Variants in COL13A1 observed in about 807,000 individuals in gnomAD.
The protein encoded by COL13A1 is collagen alpha-1(XIII) chain.
Under a neutral mutation model 130.9 loss-of-function variants are expected in COL13A1, and 89 were observed. That is an observed-to-expected ratio of 0.68 (90% CI 0.57 to 0.81). The LOEUF (loss-of-function observed/expected upper bound fraction) is 0.81. Ranked by LOEUF, COL13A1 falls within the 30% of genes least tolerant of loss-of-function variation. The pLI, the probability that COL13A1 is intolerant of heterozygous loss-of-function variation, is 0.00. For missense variants in COL13A1, 879 were observed against 934.6 expected (o/e 0.94, Z 0.78); for synonymous variants, 402 against 341.6 (o/e 1.18, Z -1.95).
chr10:69,866,912 G>T (rs972771837), intron 2 of COL13A1, among the ~76,000 whole-genome samples: 3 of 152,180 alleles, frequency 2.0e-5, no homozygotes, highest in Admixed American at 6.5e-5. Context: ...ACTAGGGGCC[G>T]GGCAGACACA....
intron 2 of COL13A1, among the ~76,000 whole-genome samples, chr10:69,864,183 C>T (rs918261038): frequency 2.0e-5 from 3 of 151,992 alleles, no homozygotes; most frequent in Non-Finnish European, 4.4e-5. Flanking sequence ...ACCTCTAAGC[C>T]TCAGGTTCCA....
At position 69,801,985 on chromosome 10, in the gene COL13A1, A is replaced by C; in HGVS notation, c.-439A>C. On this transcript the variant is annotated 5_prime_UTR_variant, in exon 1 of 41. Transcript: ENST00000645393. ...GCCCCTGCGCTCCTCGCCAGCCGCC[A>C]CGACCCACCTCTGCCCATGGGGCCC... is the stretch of plus-strand genomic sequence containing the variant. The C allele has an allele frequency of 6.2e-6, 1 of 160,388 alleles. No homozygotes were observed. Among genetic ancestry groups the C allele is most frequent in the Non-Finnish European group, 1.4e-5 (1 of 73,880 alleles). The allele number at this position is 160,388 out of a possible 1,614,324, so 9.9% of individuals were successfully genotyped here.
At chr10:69,822,624 A>C (rs1184404432) in intron 2 of COL13A1, among the ~76,000 whole-genome samples, 186 bp downstream of exon 2, 3 of 152,198 alleles carry the variant, frequency 2.0e-5, no homozygotes, top group South Asian at 2.1e-4. Flanking sequence ...CGCATCCATC[A>C]GTCCACCCAC....
chr10:69,865,942 C>T (rs1288418954), intron 2 of COL13A1, among the ~76,000 whole-genome samples: 4 of 152,198 alleles, frequency 2.6e-5, no homozygotes, highest in Non-Finnish European at 5.9e-5. Flanking sequence ...CCTTCCCATG[C>T]CTCAGTTTCT....
chr10:69,916,998 G>A (rs2064002649), intron 17 of COL13A1, among the ~76,000 whole-genome samples: 1 of 152,164 alleles, frequency 6.6e-6, no homozygotes, highest in Non-Finnish European at 1.5e-5. Context: ...CCACAGGGTG[G>A]TAGGTAGATC....
At chr10:69,855,266 G>T (rs1192688797) in intron 2 of COL13A1, among the ~76,000 whole-genome samples, 2 of 152,178 alleles carry the variant, frequency 1.3e-5, no homozygotes, top group South Asian at 2.1e-4. Flanking sequence ...ATGGAAGCAG[G>T]CCATGGGGCT....
intron 5 of COL13A1, 80 bp from the exon 6 acceptor site, chr10:69,877,959 G>A (rs1345344890): frequency 2.9e-6 from 2 of 691,496 alleles, no homozygotes; most frequent in East Asian, 2.7e-5. Context: ...ATTCTCGTGT[G>A]GGTGCCTCTT....
At chr10:69,943,160 C>T (rs947749040) in intron 35 of COL13A1, among the ~76,000 whole-genome samples, 2 of 152,160 alleles carry the variant, frequency 1.3e-5, no homozygotes, top group Non-Finnish European at 2.9e-5. Context: ...CTTTTTCTTT[C>T]TGCTGTGCTA....
At chr10:69,869,609 C>T (rs1351252812) in intron 3 of COL13A1, among the ~76,000 whole-genome samples, 6 of 152,200 alleles carry the variant, frequency 3.9e-5, no homozygotes, top group African/African-American at 7.2e-5. Flanking sequence ...GCAGCAGGAA[C>T]CATTTAGGTG....
At chr10:69,833,140 G>T (rs1231619680) in intron 2 of COL13A1, among the ~76,000 whole-genome samples, 1 of 152,178 alleles carries the variant, frequency 6.6e-6, no homozygotes, top group Non-Finnish European at 1.5e-5. Flanking sequence ...GCTCCCAGGG[G>T]CGTCATTCAC....
chr10:69,809,411 G>A (rs1564720790), intron 1 of COL13A1, among the ~76,000 whole-genome samples: 1 of 152,208 alleles, frequency 6.6e-6, no homozygotes, highest in East Asian at 1.9e-4. Flanking sequence ...ACTATTCAAA[G>A]ACCTTTACAT....
chr10:69,828,594 A>G (rs1276865270), intron 2 of COL13A1, among the ~76,000 whole-genome samples: 1 of 152,218 alleles, frequency 6.6e-6, no homozygotes, highest in Non-Finnish European at 1.5e-5. Flanking sequence ...CCACTTGCAC[A>G]CAACTCATGC....
rs370835054 is a variant in COL13A1, at chr10:69,913,647, G to C, written c.922-3642G>C. On this transcript the variant is annotated intron_variant, in intron 17 of 40. Transcript: ENST00000645393. ...GCACATGGGCCCCAGCCACAGCGAC[G>C]ACGCTGGAGTCCTTGATAATGACTC... 5.3e-5 allele frequency among the ~76,000 whole-genome samples: 8 copies of C among 152,136 alleles called. No individual in the cohort carries two copies. In the East Asian group the frequency reaches 1.4e-3, roughly 26 times the overall value.
chr10:69,930,147 G>C (rs1281191559), intron 29 of COL13A1, 60 bp downstream of exon 29: 2 of 1,557,418 alleles, frequency 1.3e-6, no homozygotes, highest in African/African-American at 2.7e-5. Context: ...GGGGGCAGGA[G>C]GTCGGGCAGG....
In COL13A1 at chr10:69,930,429, C is replaced by A. The variant is rs1162698451; in HGVS notation, c.1560C>A (p.Gly520=). The change falls in exon 30 of 41, where the codon GGC becomes GGA. Residue 520 remains glycine (G), a synonymous_variant. Transcript: ENST00000645393. ...CTCGCGGTAAACCAGGAGACATGGG[C>A]CCTCCTGGTCCCCAAGGCCCCCCAG... ...KGPRGKPGDM[G]PPGPQGPPGK... The A allele has an allele frequency of 6.2e-7, 1 of 1,612,290 alleles. No individual in the cohort carries two copies. The highest frequency in any genetic ancestry group is 8.5e-7 in the Non-Finnish European group (1 of 1,179,144).
rs746972278 is a variant in COL13A1 at position 69,921,889 on chromosome 10, A to T, written c.1097A>T (p.Lys366Met). ...LLGKRGQRGE[K>M]GAEGSPGLPG... ...GTCTGCATCTCCCTGCAGGGTGAGA[A>T]GGGGGCTGAAGGCTCCCCTGGGCTT... Residue 366 changes from lysine to methionine, a missense_variant, in exon 22 of 41, where the codon AAG becomes ATG. This residue lies in a region of COL13A1 where 715 missense variants were observed against 721.0 expected (regional missense o/e 0.99). Transcript: ENST00000645393. The T allele has an allele frequency of 6.2e-7, 1 of 1,606,472 alleles. No individual in the cohort carries two copies. The highest frequency in any genetic ancestry group is 8.5e-7 in the Non-Finnish European group (1 of 1,176,774).
intron 7 of COL13A1, among the ~76,000 whole-genome samples, chr10:69,883,996 A>C (rs1161529821): frequency 6.6e-6 from 1 of 152,204 alleles, no homozygotes; most frequent in African/African-American, 2.4e-5. Flanking sequence ...ATAAAAAATA[A>C]GGATTGAGGG....
At position 69,917,178 on chromosome 10, in the gene COL13A1, G is replaced by A. The variant is rs2064022318; in HGVS notation, c.922-111G>A. 10 of 1,363,956 alleles carry A rather than the reference G, an allele frequency of 7.3e-6. No homozygotes were observed. The African/African-American group carries it at 1.0e-4, about 14-fold the overall frequency. 84.5% of individuals were successfully genotyped at this position (1,363,956 alleles called of 1,614,324 possible). Reference sequence around the variant, plus strand: ...GGGCAGGGTCCTCAGAGCTCAACATGAACCGGACAGCCATCCCAGCCTCCA... The same window carrying A: ...GGGCAGGGTCCTCAGAGCTCAACATAAACCGGACAGCCATCCCAGCCTCCA... On this transcript the variant is annotated intron_variant, in intron 17 of 40. Transcript: ENST00000645393.
Position 69,813,667 on chromosome 10 carries a change from C to T in COL13A1, c.295-8702C>T, listed in dbSNP as rs561318688. On this transcript the variant is annotated intron_variant, in intron 1 of 40. Transcript: ENST00000645393. ...CCTGTCCCCAGCACACAGGCCCCTG[C>T]AGCAGCCCATGCAAGTCCAGTTCTG... 4.6e-5 allele frequency among the ~76,000 whole-genome samples: 7 copies of T among 152,296 alleles called. No homozygotes were observed. The South Asian group carries it at 1.4e-3, about 32-fold the overall frequency.
Sources: allele counts gnomAD v4.1 joint callset (sites outside exome capture counted in the v4.1 genomes callset), GRCh38; gene constraint gnomAD v4.1.1; regional missense constraint gnomAD v4.1.1; transcripts MANE v1.5; gene names NCBI Gene and HGNC (gene_info 2026-07-23, HGNC 2026-07-21).